The following SHE variants were observed in gnomAD, a reference collection of about 807,000 sequenced individuals.
SHE encodes the protein Src homology 2 domain containing E, also known as SH2 domain-containing adapter protein E.
Under a neutral mutation model 49.8 loss-of-function variants are expected in SHE, and 11 were observed. That is an observed-to-expected ratio of 0.22 (90% CI 0.14 to 0.37). The LOEUF (loss-of-function observed/expected upper bound fraction) is 0.37. Among genes scored for constraint, SHE ranks in the 10% least tolerant of loss-of-function variants. SHE has a pLI of 1.00. For missense variants in SHE, 624 were observed against 655.5 expected, an observed-to-expected ratio of 0.95 and a Z score of 0.52; for synonymous variants, 310 against 278.1, an observed-to-expected ratio of 1.11 and a Z score of -1.14.
At chr1:154,500,286 G>A (rs1692666588) in intron 1 of SHE, among the ~76,000 whole-genome samples, 1 of 152,186 alleles carries the variant, frequency 6.6e-6, no homozygotes, top group South Asian at 2.1e-4. Flanking sequence ...TGGCTTCAAG[G>A]TGCTTGTGAT....
downstream of SHE, among the ~76,000 whole-genome samples, chr1:154,475,210 G>T (rs1433087328): frequency 3.3e-5 from 5 of 152,052 alleles, no homozygotes; most frequent in African/African-American, 1.2e-4. Flanking sequence ...TTTTTTGACA[G>T]AATTTCACTC....
At chr1:154,501,216 C>T (rs757890454) in intron 1 of SHE, among the ~76,000 whole-genome samples, 18 of 152,174 alleles carry the variant, frequency 1.2e-4, no homozygotes, top group Non-Finnish European at 1.9e-4. Flanking sequence ...ATGGCTAGTA[C>T]ATTTCTGCAA....
rs1179911869 is a variant in SHE at position 154,501,999 on chromosome 1, A to T, written c.28T>A (p.Ser10Thr). MQWSPTPGA[S>T]ACLGWASSLA... ...GAGGAAGCCCAGCCCAGACACGCAG[A>T]GGCGCCAGGGGTCGGGGACCACTGC... is the stretch of plus-strand genomic sequence containing the variant. Residue 10 changes from serine (S) to threonine (T), a missense_variant, in exon 1 of 6, where the codon TCT becomes ACT. Ser to Thr is a moderately conservative substitution (Grantham distance 58). Coordinates refer to ENST00000304760, the MANE Select transcript of SHE (RefSeq NM_001010846.3). The T allele has an allele frequency of 5.9e-5, 82 of 1,391,214 alleles. No individual in the cohort carries two copies. The highest frequency in any genetic ancestry group is 7.4e-5 in the Non-Finnish European group (80 of 1,081,584). The allele number at this position is 1,391,214 out of a possible 1,614,324, so 86.2% of individuals were successfully genotyped here.
In SHE at chr1:154,479,871, G is replaced by A. The variant is rs188554990; in HGVS notation, c.*4278C>T. ...TATTAGACTTCAAAACACCCTTTCCGCAGGAAAGGGCATTTTTCAAGATGG... is the reference window on the plus strand; with the variant it reads ...TATTAGACTTCAAAACACCCTTTCCACAGGAAAGGGCATTTTTCAAGATGG... On this transcript the variant is annotated 3_prime_UTR_variant, in exon 6 of 6. Coordinates refer to ENST00000304760, the MANE Select transcript of SHE (RefSeq NM_001010846.3). The A allele has an allele frequency of 5.5e-5, 54 of 985,370 alleles. No homozygotes were observed. The highest frequency in any genetic ancestry group is 5.2e-4 in the Middle Eastern group (1 of 1,914). 61.0% of individuals were successfully genotyped at this position (985,370 alleles called of 1,614,324 possible).
At chr1:154,470,498 G>A (rs1159235078) in intron 1 of SHE, 3 of 879,290 alleles carry the variant, frequency 3.4e-6, no homozygotes, top group Non-Finnish European at 3.2e-6. Flanking sequence ...AGGAAACAGT[G>A]TTTGCCATCC....
chr1:154,484,114 G>C lies in SHE; in HGVS notation c.*35C>G. On this transcript the variant is annotated 3_prime_UTR_variant, in exon 6 of 6. Transcript: ENST00000304760. ...GTTGTGCGCTGATGATGCCCTTGAA[G>C]GTGCCAGAGGCCCAGGGCTTGCAGT... The C allele has an allele frequency of 6.3e-7, 1 of 1,596,860 alleles. No individual in the cohort carries two copies.
In SHE at chr1:154,489,197, G is replaced by A. The variant is rs751979473; in HGVS notation, c.878C>T (p.Pro293Leu). The change falls in exon 3 of 6, where the codon CCC (proline) becomes CTC (leucine). Residue 293 changes from proline (P) to leucine (L), a missense_variant. Physicochemically the swap from Pro to Leu is moderately conservative, Grantham distance 98. Around this residue, in one of 4 missense-constraint regions of SHE, gnomAD observed 155 missense variants for 142.0 expected, o/e 1.09. Transcript: ENST00000304760. ...GGGCCCCCCTTCTGCAGGCTCGTAG[G>A]GAGTGTCGTATAGCTGTGGCGGCTT... ...LGKPPQLYDT[P>L]YEPAEGGPRA... The A allele has an allele frequency of 6.2e-7, 1 of 1,614,208 alleles. No individual in the cohort carries two copies. Among genetic ancestry groups the A allele is most frequent in the Non-Finnish European group, 8.5e-7 (1 of 1,180,040 alleles).
In SHE at chr1:154,501,787, C is replaced by T. The variant is rs745714567; in HGVS notation, c.240G>A (p.Lys80=). ...EAGGAGPGPG[K]GRKNSAAELG... ...GCTCGGCCGCCGAGTTCTTGCGGCCCTTGCCAGGACCCGGCCCAGCGCCGC... is the reference window on the plus strand; with the variant it reads ...GCTCGGCCGCCGAGTTCTTGCGGCCTTTGCCAGGACCCGGCCCAGCGCCGC... The change falls in exon 1 of 6, where the codon AAG becomes AAA. Residue 80 remains lysine, a synonymous_variant. Transcript: ENST00000304760. 1.3e-6 allele frequency: 2 copies of T among 1,560,376 alleles called. No individual in the cohort carries two copies. The highest frequency in any genetic ancestry group is 1.4e-5 in the African/African-American group (1 of 73,568).
In SHE at chr1:154,484,239, T is replaced by A. The variant is rs1322333410; in HGVS notation, c.1398A>T (p.Glu466Asp). The A allele has an allele frequency of 1.9e-6, 3 of 1,614,230 alleles. No homozygotes were observed. In the South Asian group the frequency reaches 3.3e-5, roughly 18 times the overall value. ...QTSAVFDSIP[E>D]VVHYYSNEKL... Reference sequence around the variant, plus strand: ...TTTCATTGGAATAATAGTGTACCACTTCAGGGATGCTGTCAAACACAGCGC... The same window carrying A: ...TTTCATTGGAATAATAGTGTACCACATCAGGGATGCTGTCAAACACAGCGC... Residue 466 changes from glutamate (E) to aspartate (D), a missense_variant, in exon 6 of 6, where the codon GAA becomes GAT. Glu to Asp is a conservative substitution (Grantham distance 45). Coordinates refer to ENST00000304760, the MANE Select transcript of SHE (RefSeq NM_001010846.3).
In SHE at chr1:154,489,806, C is replaced by T. The variant is rs150659372; in HGVS notation, c.719-450G>A. ...AAATCGACTGCAAGTCAAAAATGCA[C>T]TTAATACATGTAACTTACTCAGTAT... On this transcript the variant is annotated intron_variant, in intron 2 of 5. Coordinates refer to ENST00000304760, the MANE Select transcript of SHE (RefSeq NM_001010846.3). Among the ~76,000 whole-genome samples the T allele has an allele frequency of 2.2e-3, 334 of 152,350 alleles. 2 individuals carry two copies. The highest frequency in any genetic ancestry group is 7.0e-3 in the African/African-American group (292 of 41,578).
chr1:154,472,420 T>C (rs1027393481), intron 1 of SHE, among the ~76,000 whole-genome samples: 1 of 152,162 alleles, frequency 6.6e-6, no homozygotes, highest in Non-Finnish European at 1.5e-5. Flanking sequence ...GTTCAATAGG[T>C]CTGAGCTGGG....
rs1330773604 is a variant in SHE at position 154,501,751 on chromosome 1, G to T, written c.276C>A (p.Gly92=). The change falls in exon 1 of 6, where the codon GGC becomes GGA. Residue 92 remains glycine, a synonymous_variant. Coordinates refer to ENST00000304760, the MANE Select transcript of SHE (RefSeq NM_001010846.3). ...TGTCCTTGGGGCCGACGCCGGCCCT[G>T]CCGCTCCCCAGCTCGGCCGCCGAGT... ...RKNSAAELGS[G]RAGVGPKDSR... 2 of 1,574,714 alleles carry T rather than the reference G, an allele frequency of 1.3e-6. No individual in the cohort carries two copies. Among genetic ancestry groups the T allele is most frequent in the African/African-American group, 2.7e-5 (2 of 73,964 alleles).
At chr1:154,473,478 G>A (rs116390919) in intron 1 of SHE, among the ~76,000 whole-genome samples, 2 of 151,556 alleles carry the variant, frequency 1.3e-5, no homozygotes, top group Non-Finnish European at 2.9e-5. Flanking sequence ...CTGTGTGTTG[G>A]GGGGACAGGG....
At chr1:154,477,910 G>GAAAGA (rs1333390271), downstream of SHE, among the ~76,000 whole-genome samples, 7 of 125,882 alleles carry the variant, frequency 5.6e-5, no homozygotes, top group South Asian at 2.5e-4. Context: ...AAAAAAAAAA[G>GAAAGA]AAAGAAAAGA....
In SHE at chr1:154,480,551, T is replaced by C; in HGVS notation, c.*3598A>G. The C allele has an allele frequency of 1.0e-6, 1 of 985,510 alleles. No individual in the cohort carries two copies. Among genetic ancestry groups the C allele is most frequent in the Non-Finnish European group, 1.2e-6 (1 of 829,926 alleles). The allele number at this position is 985,510 out of a possible 1,614,324, so 61.0% of individuals were successfully genotyped here. ...AAAACTCCTGGCTGCCCCTATCAGC[T>C]ACCTGCCCACCTCCCCATCCTGCGG... On this transcript the variant is annotated 3_prime_UTR_variant, in exon 6 of 6. Coordinates refer to ENST00000304760, the MANE Select transcript of SHE (RefSeq NM_001010846.3).
At chr1:154,489,401 T>C (rs1199179724) in intron 2 of SHE, 45 bp from the exon 3 acceptor site, 3 of 1,577,440 alleles carry the variant, frequency 1.9e-6, no homozygotes, top group South Asian at 1.2e-5. Flanking sequence ...CCATACACAA[T>C]GTCTTGAAAG....
At position 154,479,974 on chromosome 1, in the gene SHE, C is replaced by T. The variant is rs1403702996; in HGVS notation, c.*4175G>A. Reference sequence around the variant, plus strand: ...GAAAGCCCTACCCTTAAATGCACAGCTGCTTTTCCCAACTGCAGTTTTCTC... The same window carrying T: ...GAAAGCCCTACCCTTAAATGCACAGTTGCTTTTCCCAACTGCAGTTTTCTC... On this transcript the variant is annotated 3_prime_UTR_variant, in exon 6 of 6. Transcript: ENST00000304760. 1.0e-6 allele frequency: 1 copy of T among 985,450 alleles called. No homozygotes were observed. Among genetic ancestry groups the T allele is most frequent in the Non-Finnish European group, 1.2e-6 (1 of 829,942 alleles). The allele number at this position is 985,450 out of a possible 1,614,324, so 61.0% of individuals were successfully genotyped here.
chr1:154,484,184 T>G lies in SHE; in HGVS notation c.1453A>C (p.Thr485Pro). The G allele has an allele frequency of 6.2e-7, 1 of 1,614,168 alleles. No homozygotes were observed. The highest frequency in any genetic ancestry group is 2.2e-5 in the East Asian group (1 of 44,882). ...KLPFKGAEHM[T>P]LLYPVHSKLH ...TTGCTGTGCACTGGGTAGAGTAAAG[T>G]CATGTGTTCTGCCCCTTTGAAAGGC... Residue 485 changes from threonine to proline, a missense_variant, in exon 6 of 6, where the codon ACT becomes CCT. Physicochemically the swap from Thr to Pro is conservative, Grantham distance 38. Around this residue, in one of 4 missense-constraint regions of SHE, gnomAD observed 125 missense variants for 181.7 expected, o/e 0.69. Coordinates refer to ENST00000304760, the MANE Select transcript of SHE (RefSeq NM_001010846.3).
Position 154,480,333 on chromosome 1 carries a change from G to A in SHE, c.*3816C>T, listed in dbSNP as rs1691986861. 1.0e-6 allele frequency: 1 copy of A among 985,332 alleles called. No homozygotes were observed. Among genetic ancestry groups the A allele is most frequent in the South Asian group, 4.7e-5 (1 of 21,284 alleles). The allele number at this position is 985,332 out of a possible 1,614,324, so 61.0% of individuals were successfully genotyped here. A position where few individuals can be genotyped will look rare whatever the true frequency, so the allele number is the denominator to read the frequency against. ...AACCCTGGAAGGAGGGAGAAACAAGGGGCTAACCTTTGACTGAAAAAGGGC... is the reference window on the plus strand; with the variant it reads ...AACCCTGGAAGGAGGGAGAAACAAGAGGCTAACCTTTGACTGAAAAAGGGC... On this transcript the variant is annotated 3_prime_UTR_variant, in exon 6 of 6. Coordinates refer to ENST00000304760, the MANE Select transcript of SHE (RefSeq NM_001010846.3).
Sources: allele counts gnomAD v4.1 joint callset (sites outside exome capture counted in the v4.1 genomes callset), GRCh38; gene constraint gnomAD v4.1.1; regional missense constraint gnomAD v4.1.1; transcripts MANE v1.5; gene names NCBI Gene and HGNC (gene_info 2026-07-23, HGNC 2026-07-21).